The following DDR2 variants were observed in gnomAD, a reference collection of about 807,000 sequenced individuals.
DDR2 encodes discoidin domain receptor tyrosine kinase 2.
DDR2 carries 27 observed loss-of-function variants against 94.9 expected under a neutral mutation model. The ratio of observed to expected loss-of-function variants is 0.28; its 90% CI spans 0.21 to 0.39. The LOEUF (loss-of-function observed/expected upper bound fraction) is 0.39. Among genes scored for constraint, DDR2 ranks in the 10% least tolerant of loss-of-function variants. DDR2 has a pLI of 1.00. For missense variants in DDR2, 783 were observed against 1,076.0 expected (o/e 0.73, Z 3.81); for synonymous variants, 382 against 377.2 (o/e 1.01, Z -0.15).
In DDR2 at chr1:162,782,212, A is replaced by G. The variant is rs1175954975; in HGVS notation, c.*1966A>G. 1 of 152,158 alleles carries G rather than the reference A, an allele frequency of 6.6e-6. No individual in the cohort carries two copies. Among genetic ancestry groups the G allele is most frequent in the African/African-American group, 2.4e-5 (1 of 41,414 alleles). The allele number at this position is 152,158 out of a possible 1,614,324, so 9.4% of individuals were successfully genotyped here. ...TGGCTAAATCACTTGGTCTTTCTGCATTTTGTTTTCTTATTTATAGGATGA... is the reference window on the plus strand; with the variant it reads ...TGGCTAAATCACTTGGTCTTTCTGCGTTTTGTTTTCTTATTTATAGGATGA... On this transcript the variant is annotated 3_prime_UTR_variant, in exon 18 of 18. Coordinates refer to ENST00000367921, the MANE Select transcript of DDR2 (RefSeq NM_006182.4).
intron 3 of DDR2, among the ~76,000 whole-genome samples, chr1:162,728,434 A>G (rs1661831282): frequency 1.3e-5 from 2 of 152,028 alleles, no homozygotes; most frequent in South Asian, 4.1e-4. Context: ...GCACAAATAG[A>G]AAAACAAGAG....
At chr1:162,651,342 C>T (rs1657678277) in intron 1 of DDR2, among the ~76,000 whole-genome samples, 1 of 152,192 alleles carries the variant, frequency 6.6e-6, no homozygotes, top group African/African-American at 2.4e-5. Flanking sequence ...ATCTTCTTAT[C>T]CCATAACTTG....
intron 14 of DDR2, among the ~76,000 whole-genome samples, chr1:162,774,178 C>CT: frequency 6.6e-6 from 1 of 152,178 alleles, no homozygotes; most frequent in Non-Finnish European, 1.5e-5. Flanking sequence ...TCTCTTGGAT[C>CT]TTTTTCTACA....
chr1:162,750,239 A>G (rs1322579857), intron 3 of DDR2, among the ~76,000 whole-genome samples: 8 of 152,174 alleles, frequency 5.3e-5, no homozygotes. Flanking sequence ...TATATTTAGA[A>G]AACCCCATCA....
chr1:162,706,170 C>T (rs1198331103), intron 2 of DDR2, among the ~76,000 whole-genome samples: 4 of 152,144 alleles, frequency 2.6e-5, no homozygotes, highest in Non-Finnish European at 5.9e-5. Flanking sequence ...CAACTCCTGG[C>T]AGTGAGATGA....
At chr1:162,729,997 C>T (rs1210915446) in intron 3 of DDR2, among the ~76,000 whole-genome samples, 1 of 150,310 alleles carries the variant, frequency 6.7e-6, no homozygotes, top group African/African-American at 2.5e-5. Flanking sequence ...CCCACCTTGG[C>T]CTCCCAAAGT....
At chr1:162,672,634 C>G in intron 2 of DDR2, among the ~76,000 whole-genome samples, 1 of 151,860 alleles carries the variant, frequency 6.6e-6, no homozygotes. Flanking sequence ...ATTAATTGAC[C>G]AAATGTTTTG....
chr1:162,687,483 GT>G (rs1222402306), intron 2 of DDR2, among the ~76,000 whole-genome samples: 2 of 152,062 alleles, frequency 1.3e-5, no homozygotes, highest in African/African-American at 2.4e-5. Context: ...TTTGAAGTGG[GT>G]TTTTTTCTTT....
chr1:162,645,684 T>C (rs1390010031), intron 1 of DDR2, among the ~76,000 whole-genome samples: 1 of 152,216 alleles, frequency 6.6e-6, no homozygotes, highest in Non-Finnish European at 1.5e-5. Context: ...CAAATTGTTA[T>C]TAATAGCTTT....
At position 162,775,836 on chromosome 1, in the gene DDR2, A is replaced by G. The variant is rs1647516248; in HGVS notation, c.2041A>G (p.Thr681Ala). ...PPNSSSSDVR[T>A]VSYTNLKFMA... ...TAATTCTTCCTCCAGCGATGTACGC[A>G]CTGTCAGGTAAACAAGCCAGGTCTT... is the stretch of plus-strand genomic sequence containing the variant. The change falls in exon 15 of 18, where the codon ACT (threonine) becomes GCT (alanine). Residue 681 changes from threonine to alanine, a missense_variant. Coordinates refer to ENST00000367921, the MANE Select transcript of DDR2 (RefSeq NM_006182.4). 2 of 1,613,978 alleles carry G rather than the reference A, an allele frequency of 1.2e-6. No individual in the cohort carries two copies. The highest frequency in any genetic ancestry group is 1.7e-6 in the Non-Finnish European group (2 of 1,179,968).
intron 7 of DDR2, among the ~76,000 whole-genome samples, chr1:162,758,795 A>G (rs1663578322): frequency 6.6e-6 from 1 of 152,224 alleles, no homozygotes; most frequent in Admixed American, 6.5e-5. Context: ...CAAGGGTCAC[A>G]CCAATTATTG....
At chr1:162,767,678 T>G (rs568729369) in intron 11 of DDR2, among the ~76,000 whole-genome samples, 4 of 151,904 alleles carry the variant, frequency 2.6e-5, no homozygotes, top group African/African-American at 9.7e-5. Context: ...CATCCATATT[T>G]AAAAAAAAAT....
At chr1:162,718,424 G>A (rs769576502) in intron 2 of DDR2, among the ~76,000 whole-genome samples, 1 of 152,048 alleles carries the variant, frequency 6.6e-6, no homozygotes, top group Non-Finnish European at 1.5e-5. Context: ...ACTAACCCAG[G>A]CATATACACA....
chr1:162,755,830 A>G (rs542645922), intron 7 of DDR2, 61 bp downstream of exon 7: 21 of 1,365,880 alleles, frequency 1.5e-5, no homozygotes, highest in East Asian at 1.1e-4. Context: ...ATAATATTTT[A>G]TCATGTCTTG....
intron 11 of DDR2, among the ~76,000 whole-genome samples, chr1:162,767,717 G>T (rs1664068231): frequency 6.6e-6 from 1 of 151,990 alleles, no homozygotes; most frequent in African/African-American, 2.4e-5. Flanking sequence ...GCACATTCGA[G>T]GTTAAGAATT....
rs1553252832 is a variant in DDR2, at chr1:162,764,399, A to AAG, written c.1100-1601_1100-1600insGA. On this transcript the variant is annotated intron_variant, in intron 9 of 17. Coordinates refer to ENST00000367921, the MANE Select transcript of DDR2 (RefSeq NM_006182.4). Reference sequence around the variant, plus strand: ...GAAAGATACAGAATGCTTTAAAAAAAAAAAAAAAAAAAGAAATGTCCAAAG... The same window carrying AAG: ...GAAAGATACAGAATGCTTTAAAAAAAAGAAAAAAAAAAAAGAAATGTCCAAAG... Among the ~76,000 whole-genome samples the AAG allele has an allele frequency of 5.0e-3, 756 of 150,124 alleles. 8 individuals carry two copies. Among genetic ancestry groups the AAG allele is most frequent in the African/African-American group, 0.018 (731 of 40,742 alleles).
At chr1:162,668,730 G>A (rs1280741872) in intron 2 of DDR2, among the ~76,000 whole-genome samples, 1 of 152,080 alleles carries the variant, frequency 6.6e-6, no homozygotes, top group Non-Finnish European at 1.5e-5. Context: ...TTTTAACTTG[G>A]TAACATCTGC....
At chr1:162,665,040 G>C (rs1658482966) in intron 2 of DDR2, among the ~76,000 whole-genome samples, 1 of 152,164 alleles carries the variant, frequency 6.6e-6, no homozygotes. Context: ...TGACATTCAA[G>C]GTCTTTCAGA....
At chr1:162,633,830 G>A (rs1465146733) in intron 1 of DDR2, among the ~76,000 whole-genome samples, 1 of 152,208 alleles carries the variant, frequency 6.6e-6, no homozygotes, top group Non-Finnish European at 1.5e-5. Flanking sequence ...TTTCTATGCA[G>A]CAGGCTCAAA....
Sources: allele counts gnomAD v4.1 joint callset (sites outside exome capture counted in the v4.1 genomes callset), GRCh38; gene constraint gnomAD v4.1.1; transcripts MANE v1.5; gene names NCBI Gene and HGNC (gene_info 2026-07-23, HGNC 2026-07-21).